CHST3: variants seen among roughly 807,000 people sequenced by gnomAD.
The protein encoded by CHST3 is C6ST-1.
A neutral mutation model predicts 35.4 loss-of-function variants in CHST3; 20 were observed. The ratio of observed to expected loss-of-function variants is 0.57; its 90% CI spans 0.40 to 0.82. The LOEUF (loss-of-function observed/expected upper bound fraction) is 0.82, where lower values mean the gene tolerates loss of function less well. Among genes scored for constraint, CHST3 ranks in the 40% least tolerant of loss-of-function variants. CHST3 has a pLI of 0.00. For missense variants in CHST3, 693 were observed against 670.1 expected (o/e 1.03, Z -0.38); for synonymous variants, 334 against 295.9 (o/e 1.13, Z -1.32).
Position 72,008,603 on chromosome 10 carries a change from C to T in CHST3, c.*132C>T, listed in dbSNP as rs370177361. On this transcript the variant is annotated 3_prime_UTR_variant, in exon 3 of 3. Transcript: ENST00000373115. ...CTGTAGCAGTAGGGCCCCCAGCCAG[C>T]GCTCCAGCCAAAGCGGCGGCCCCAG... The T allele has an allele frequency of 4.2e-6, 6 of 1,426,602 alleles. No individual in the cohort carries two copies. Among genetic ancestry groups the T allele is most frequent in the African/African-American group, 2.9e-5 (2 of 69,456 alleles). 88.4% of individuals were successfully genotyped at this position (1,426,602 alleles called of 1,614,324 possible).
intron 2 of CHST3, 87 bp downstream of exon 2, chr10:72,006,069 C>A: frequency 6.5e-7 from 1 of 1,531,708 alleles, no homozygotes; most frequent in Non-Finnish European, 9.0e-7. Flanking sequence ...CTCTGTGGAC[C>A]TGCAAATGCA....
rs1402790507 is a variant in CHST3, at chr10:72,008,124, C to G, written c.1093C>G (p.Arg365Gly). ...GCGGCAGCCCGCCTGGCTGCGGGGC[C>G]GCTACATGCTGGTGCGCTACGAGGA... Reference protein sequence around the residue: ...GLRQPAWLRGRYMLVRYEDVA... With the variant: ...GLRQPAWLRGGYMLVRYEDVA... Residue 365 changes from arginine to glycine, a missense_variant, in exon 3 of 3, where the codon CGC becomes GGC. Physicochemically the swap from Arg to Gly is moderately radical, Grantham distance 125. Coordinates refer to ENST00000373115, the MANE Select transcript of CHST3 (RefSeq NM_004273.5). 9 of 1,547,596 alleles carry G rather than the reference C, an allele frequency of 5.8e-6. No homozygotes were observed. Among genetic ancestry groups the G allele is most frequent in the Non-Finnish European group, 7.9e-6 (9 of 1,145,884 alleles).
At chr10:71,965,428 C>T (rs767151328) in intron 1 of CHST3, among the ~76,000 whole-genome samples, 3 of 152,200 alleles carry the variant, frequency 2.0e-5, no homozygotes, top group Non-Finnish European at 2.9e-5. Context: ...AGCAGGGACC[C>T]TTCCCCCCAG....
At chr10:71,975,733 C>T (rs1048377001) in intron 1 of CHST3, among the ~76,000 whole-genome samples, 9 of 152,250 alleles carry the variant, frequency 5.9e-5, no homozygotes, top group Admixed American at 5.9e-4. Flanking sequence ...CTTGGCCTGT[C>T]TGTGGGCGCA....
intron 1 of CHST3, among the ~76,000 whole-genome samples, chr10:71,981,482 T>C (rs1839801047): frequency 6.6e-6 from 1 of 152,220 alleles, no homozygotes; most frequent in Non-Finnish European, 1.5e-5. Context: ...AATGGCCCGT[T>C]GATGACTAGA....
Position 71,987,941 on chromosome 10 carries a change from G to A in CHST3, c.-107-17795G>A, listed in dbSNP as rs535427232. Among the ~76,000 whole-genome samples, 4 of 152,260 alleles carry A rather than the reference G, an allele frequency of 2.6e-5. No individual in the cohort carries two copies. The East Asian group carries it at 7.7e-4, about 29-fold the overall frequency. On this transcript the variant is annotated intron_variant, in intron 1 of 2. Transcript: ENST00000373115. ...ATCTCAGAAATCCTGTAATGGAGCCGTCTTTCCAGAGGTGCAGAACAAAAT... is the reference window on the plus strand; with the variant it reads ...ATCTCAGAAATCCTGTAATGGAGCCATCTTTCCAGAGGTGCAGAACAAAAT...
chr10:71,997,075 C>T (rs145470359), intron 1 of CHST3, among the ~76,000 whole-genome samples: 88 of 152,140 alleles, frequency 5.8e-4, no homozygotes, highest in African/African-American at 2.0e-3. Context: ...TAAAATTGAC[C>T]GTTTTAACTA....
chr10:72,004,339 T>C (rs1006947482), intron 1 of CHST3, among the ~76,000 whole-genome samples: 3 of 152,086 alleles, frequency 2.0e-5, no homozygotes, highest in Non-Finnish European at 2.9e-5. Flanking sequence ...TATTGAACAA[T>C]TGTTGCTTTA....
intron 1 of CHST3, among the ~76,000 whole-genome samples, chr10:71,988,814 C>T: frequency 6.6e-6 from 1 of 152,306 alleles, no homozygotes; most frequent in East Asian, 1.9e-4. Context: ...TTCTTCTCAT[C>T]AAAGTGCTCC....
chr10:72,006,795 A>G (rs879272495), intron 2 of CHST3, among the ~76,000 whole-genome samples: 4 of 152,064 alleles, frequency 2.6e-5, no homozygotes, highest in Non-Finnish European at 4.4e-5. Context: ...GCTTGTGCCT[A>G]TTGGGTTCTA....
chr10:71,973,901 A>C (rs1839719854), intron 1 of CHST3, among the ~76,000 whole-genome samples: 1 of 152,172 alleles, frequency 6.6e-6, no homozygotes, highest in Admixed American at 6.5e-5. Context: ...AATGTATAGG[A>C]TACACGAGGA....
intron 1 of CHST3, among the ~76,000 whole-genome samples, chr10:71,974,194 T>C (rs4284332): frequency 0.63 from 95,240 of 152,166 alleles, 30,440 homozygotes; most frequent in African/African-American, 0.75. Flanking sequence ...AAAAGGAAAT[T>C]GAGGTCAGAT....
Position 72,009,477 on chromosome 10 carries a change from T to C in CHST3, c.*1006T>C, listed in dbSNP as rs116018996. On this transcript the variant is annotated 3_prime_UTR_variant, in exon 3 of 3. Transcript: ENST00000373115. Reference sequence around the variant, plus strand: ...AAAGGCCCCGTCTAGCTTGGCTGGCTCCCGAACATGTCCATATTTGAAGGC... The same window carrying C: ...AAAGGCCCCGTCTAGCTTGGCTGGCCCCCGAACATGTCCATATTTGAAGGC... 0.028 allele frequency: 4,192 copies of C among 152,276 alleles called. 187 individuals are homozygous for C. Among genetic ancestry groups the C allele is most frequent in the African/African-American group, 0.094 (3,910 of 41,536 alleles). The allele number at this position is 152,276 out of a possible 1,614,324, so 9.4% of individuals were successfully genotyped here. A position where few individuals can be genotyped will look rare whatever the true frequency, so the allele number is the denominator to read the frequency against.
At chr10:71,970,055 G>A (rs1839675259) in intron 1 of CHST3, among the ~76,000 whole-genome samples, 1 of 152,200 alleles carries the variant, frequency 6.6e-6, no homozygotes, top group South Asian at 2.1e-4. Context: ...GCGGGGTGTG[G>A]GGTGGCCCCT....
At chr10:71,981,887 A>T (rs556245279) in intron 1 of CHST3, among the ~76,000 whole-genome samples, 2 of 152,248 alleles carry the variant, frequency 1.3e-5, no homozygotes, top group African/African-American at 4.8e-5. Flanking sequence ...CAGAATCTTC[A>T]GGGGTGAACC....
intron 1 of CHST3, among the ~76,000 whole-genome samples, chr10:71,982,583 G>C (rs1236432007): frequency 2.0e-5 from 3 of 151,732 alleles, no homozygotes; most frequent in African/African-American, 7.3e-5. Context: ...TGAAACCCCT[G>C]TCTCTACAAA....
chr10:72,007,844 C>T lies in CHST3; in HGVS notation c.813C>T (p.Ala271=). ...CCTGCCGCCGCAAGGAGCACATGGC[C>T]CTCAAGGCGGTGCGCATCCGGCAGC... ...AEACRRKEHM[A]LKAVRIRQLE... Residue 271 remains alanine, a synonymous_variant, in exon 3 of 3, where the codon GCC becomes GCT. Transcript: ENST00000373115. 2 of 1,604,926 alleles carry T rather than the reference C, an allele frequency of 1.2e-6. No homozygotes were observed. The highest frequency in any genetic ancestry group is 1.7e-6 in the Non-Finnish European group (2 of 1,178,644).
intron 1 of CHST3, among the ~76,000 whole-genome samples, chr10:71,995,475 G>A (rs547485443): frequency 6.6e-6 from 1 of 150,854 alleles, no homozygotes; most frequent in South Asian, 2.1e-4. Flanking sequence ...TTGGCTAACT[G>A]TTTGGTGCAA....
chr10:71,999,122 C>T (rs533919811), intron 1 of CHST3, among the ~76,000 whole-genome samples: 107 of 152,322 alleles, frequency 7.0e-4, no homozygotes, highest in African/African-American at 2.5e-3. Context: ...GACAGGCCAC[C>T]GGATGGACAA....
Sources: gnomAD v4.1 joint callset for allele counts (sites outside exome capture counted in the v4.1 genomes callset) on GRCh38, gnomAD v4.1.1 for gene constraint, MANE v1.5 for transcripts, NCBI Gene and HGNC (gene_info 2026-07-23, HGNC 2026-07-21) for gene names.